ABCC10: variants seen among roughly 807,000 people sequenced by gnomAD.
ABCC10 encodes the protein ATP binding cassette subfamily C member 10, also known as ATP-binding cassette sub-family C member 10.
A neutral mutation model predicts 143.2 loss-of-function variants in ABCC10; 110 were observed. The ratio of observed to expected loss-of-function variants is 0.77; its 90% CI spans 0.66 to 0.90. The LOEUF (loss-of-function observed/expected upper bound fraction) is 0.90, where lower values mean the gene tolerates loss of function less well. ABCC10 is among the 40% of genes least tolerant of loss of function. The pLI is 0.00. For synonymous variants in ABCC10, 805 were observed against 846.7 expected, an observed-to-expected ratio of 0.95 and a Z score of 0.85; for missense variants, 1,700 against 1,900.5, an observed-to-expected ratio of 0.89 and a Z score of 1.96.
In ABCC10 at chr6:43,445,165, T is replaced by TCCTCAGACATCCGTTTCTACC; in HGVS notation, c.2882_2902dup (p.Tyr967_Leu968insProSerAspIleArgPheTyr). ...ACTGCCCAAAGCTGCCCCCAATGGC[T>TCCTCAGACATCCGTTTCTACC]CCTCAGACATCCGTTTCTACCTCAC... On this transcript the variant is annotated inframe_insertion, in exon 14 of 22. Coordinates refer to ENST00000372530, the MANE Select transcript of ABCC10 (RefSeq NM_001198934.2). 6.2e-7 allele frequency: 1 copy of TCCTCAGACATCCGTTTCTACC among 1,613,976 alleles called. No homozygotes were observed. The highest frequency in any genetic ancestry group is 8.5e-7 in the Non-Finnish European group (1 of 1,179,938).
chr6:43,445,377 AATACTCGGG>A, intron 14 of ABCC10, 63 bp downstream of exon 14: 1 of 1,532,964 alleles, frequency 6.5e-7, no homozygotes, highest in Non-Finnish European at 8.9e-7. Flanking sequence ...GTGTCCTCCC[AATACTCGGG>A]CTCCACTGGG....
intron 1 of ABCC10, 93 bp from the exon 2 acceptor site, chr6:43,427,875 A>T: frequency 6.9e-7 from 1 of 1,446,134 alleles, no homozygotes; most frequent in Non-Finnish European, 9.7e-7. Flanking sequence ...TCCCGGTTCC[A>T]GGGCGGGGCT....
At chr6:43,441,835 G>T in intron 8 of ABCC10, 27 bp from the exon 9 acceptor site, 2 of 1,598,086 alleles carry the variant, frequency 1.3e-6, no homozygotes, top group African/African-American at 1.3e-5. Flanking sequence ...GGAGCTCCCT[G>T]ACCCACTGGG....
Position 43,432,781 on chromosome 6 carries a change from G to T in ABCC10, c.801G>T (p.Trp267Cys). 6.2e-7 allele frequency: 1 copy of T among 1,614,182 alleles called. No individual in the cohort carries two copies. Among genetic ancestry groups the T allele is most frequent in the South Asian group, 1.1e-5 (1 of 91,092 alleles). The change falls in exon 3 of 22, where the codon TGG (tryptophan) becomes TGT (cysteine). Residue 267 changes from tryptophan to cysteine, a missense_variant. Coordinates refer to ENST00000372530, the MANE Select transcript of ABCC10 (RefSeq NM_001198934.2). The stretch of plus-strand genomic sequence containing the variant: ...TGGCTCGTGTCTTCCAGGCACACTG[G>T]CAGGAGGGGGCACGGCTGTGGAGGG... Reference protein sequence around the residue: ...TYLARVFQAHWQEGARLWRAL... With the variant: ...TYLARVFQAHCQEGARLWRAL...
rs532699194 is a variant in ABCC10 at position 43,445,892 on chromosome 6, C to G, written c.3324C>G (p.Ala1108=). The part of the protein sequence containing the change: ...LTLSPLYSHL[A]DTLAGLSVLR... ...TGTCTCCACTGTATAGCCATCTGGC[C>G]GATACCTTGGCTGGCCTCTCTGTGC... Residue 1108 remains alanine, a synonymous_variant, in exon 15 of 22, where the codon GCC becomes GCG. Coordinates refer to ENST00000372530, the MANE Select transcript of ABCC10 (RefSeq NM_001198934.2). The G allele has an allele frequency of 1.2e-4, 200 of 1,613,760 alleles. 1 individual carries two copies. The highest frequency in any genetic ancestry group is 1.1e-3 in the Admixed American group (66 of 60,020).
chr6:43,446,311 A>C lies in ABCC10; in HGVS notation c.3409A>C (p.Asn1137His). ...GGAGAACCTGCGACTCCTTGAGCTA[A>C]ACCAGAGGTGCCAGTTTGCCACCAG... ...EEENLRLLEL[N>H]QRCQFATSAT... The change falls in exon 16 of 22, where the codon AAC becomes CAC. Residue 1137 changes from asparagine to histidine, a missense_variant. Asn to His is a moderately conservative substitution (Grantham distance 68). Coordinates refer to ENST00000372530, the MANE Select transcript of ABCC10 (RefSeq NM_001198934.2). 6.2e-7 allele frequency: 1 copy of C among 1,613,942 alleles called. No individual in the cohort carries two copies. The highest frequency in any genetic ancestry group is 8.5e-7 in the Non-Finnish European group (1 of 1,179,936).
chr6:43,440,553 A>C (rs1782285935), intron 8 of ABCC10, among the ~76,000 whole-genome samples: 1 of 151,980 alleles, frequency 6.6e-6, no homozygotes, highest in Non-Finnish European at 1.5e-5. Flanking sequence ...GCTTGAGGTC[A>C]GGAGTTCAAG....
rs143478114 is a variant in ABCC10, at chr6:43,442,042, G to T, written c.2226+82G>T. 4.8e-6 allele frequency: 6 copies of T among 1,243,448 alleles called. No individual in the cohort carries two copies. In the African/African-American group the frequency reaches 5.9e-5, roughly 12 times the overall value. The allele number at this position is 1,243,448 out of a possible 1,614,324, so 77.0% of individuals were successfully genotyped here. A position where few individuals can be genotyped will look rare whatever the true frequency, so the allele number is the denominator to read the frequency against. ...GGAACTTGGCTGAGTTAGGAGGATA[G>T]GAATATTTTCCTTAGCATCTGGTTC... is the stretch of plus-strand genomic sequence containing the variant. On this transcript the variant is annotated intron_variant, in intron 9 of 21. Transcript: ENST00000372530.
Position 43,434,757 on chromosome 6 carries a change from G to T in ABCC10, c.1517G>T (p.Cys506Phe). The T allele has an allele frequency of 6.2e-7, 1 of 1,614,208 alleles. No homozygotes were observed. Among genetic ancestry groups the T allele is most frequent in the Non-Finnish European group, 8.5e-7 (1 of 1,180,036 alleles). The change falls in exon 4 of 22, where the codon TGT becomes TTT. Residue 506 changes from cysteine to phenylalanine, a missense_variant. Cys to Phe is a radical substitution (Grantham distance 205). Coordinates refer to ENST00000372530, the MANE Select transcript of ABCC10 (RefSeq NM_001198934.2). ...GTCATCAAATACCTGGATGCGGCCTGTGTATACCTGTGGGCTGCCCTACCG... is the reference window on the plus strand; with the variant it reads ...GTCATCAAATACCTGGATGCGGCCTTTGTATACCTGTGGGCTGCCCTACCG... Reference protein sequence around the residue: ...LRVIKYLDAACVYLWAALPVV... With the variant: ...LRVIKYLDAAFVYLWAALPVV...
Position 43,438,670 on chromosome 6 carries a change from C to T in ABCC10, c.2002C>T (p.Leu668=). The change falls in exon 8 of 22, where the codon CTG becomes TTG. Residue 668 remains leucine, a synonymous_variant. Coordinates refer to ENST00000372530, the MANE Select transcript of ABCC10 (RefSeq NM_001198934.2). ...AVRGLSKGFG[L]ATQEPWIQFA... ...GCGGGGGCTGTCCAAGGGCTTTGGC[C>T]TGGCCACCCAGGAACCCTGGATCCA... is the stretch of plus-strand genomic sequence containing the variant. 1 of 1,614,216 alleles carries T rather than the reference C, an allele frequency of 6.2e-7. No individual in the cohort carries two copies. Among genetic ancestry groups the T allele is most frequent in the Non-Finnish European group, 8.5e-7 (1 of 1,180,044 alleles).
Position 43,427,901 on chromosome 6 carries a change from C to T in ABCC10, c.-11-67C>T, listed in dbSNP as rs555237268. 5.7e-6 allele frequency: 9 copies of T among 1,573,298 alleles called. No individual in the cohort carries two copies. The South Asian group carries it at 7.8e-5, about 14-fold the overall frequency. ...GGGCGGGGCTGGAGACAGGGAGACC[C>T]GGCTGGGAAGTGCAGGCAAAGCCGG... On this transcript the variant is annotated intron_variant, in intron 1 of 21. Transcript: ENST00000372530.
At chr6:43,429,370 T>G (rs1024785541) in intron 2 of ABCC10, among the ~76,000 whole-genome samples, 2 of 32,102 alleles carry the variant, frequency 6.2e-5, no homozygotes, top group East Asian at 1.5e-3. Flanking sequence ...TTCTTTTCTT[T>G]CTTGTGTGTG....
chr6:43,441,487 G>A (rs1329420489), intron 8 of ABCC10, among the ~76,000 whole-genome samples: 2 of 150,860 alleles, frequency 1.3e-5, no homozygotes, highest in East Asian at 1.9e-4. Context: ...AAAAAAAAAA[G>A]GGTAGTAAAT....
chr6:43,433,053 C>T lies in ABCC10; in HGVS notation c.1073C>T (p.Ala358Val). 1 of 1,614,166 alleles carries T rather than the reference C, an allele frequency of 6.2e-7. No individual in the cohort carries two copies. The highest frequency in any genetic ancestry group is 8.5e-7 in the Non-Finnish European group (1 of 1,180,030). The change falls in exon 3 of 22, where the codon GCT becomes GTT. Residue 358 changes from alanine (A) to valine (V), a missense_variant. Transcript: ENST00000372530. ...AAGGTAACACTTCAGGCACGGGGGG[C>T]TGTGCTGAACATCCTGTACTGCAAG... ...VYKVTLQARG[A>V]VLNILYCKAL...
At chr6:43,436,071 A>G (rs749241335) in intron 5 of ABCC10, 67 bp from the exon 6 acceptor site, 9 of 1,610,082 alleles carry the variant, frequency 5.6e-6, no homozygotes, top group East Asian at 2.2e-5. Context: ...AGTGAATTAC[A>G]TGATTTACCC....
chr6:43,446,366 T>C lies in ABCC10; in HGVS notation c.3464T>C (p.Leu1155Pro). 1 of 1,613,708 alleles carries C rather than the reference T, an allele frequency of 6.2e-7. No individual in the cohort carries two copies. Among genetic ancestry groups the C allele is most frequent in the Non-Finnish European group, 8.5e-7 (1 of 1,179,914 alleles). Reference protein sequence around the residue: ...SATMQWLDIRLQLMGAAVVSA... With the variant: ...SATMQWLDIRPQLMGAAVVSA... ...ACAATGCAGTGGCTGGACATTCGGCTACAGCTCATGGGGGCGGCAGTGGTC... is the reference window on the plus strand; with the variant it reads ...ACAATGCAGTGGCTGGACATTCGGCCACAGCTCATGGGGGCGGCAGTGGTC... The change falls in exon 16 of 22, where the codon CTA becomes CCA. Residue 1155 changes from leucine (L) to proline (P), a missense_variant. Leu to Pro is a moderately conservative substitution (Grantham distance 98). Coordinates refer to ENST00000372530, the MANE Select transcript of ABCC10 (RefSeq NM_001198934.2).
rs1266446473 is a variant in ABCC10, at chr6:43,449,103, G to A, written c.4106-4G>A. On this transcript the variant is annotated splice_polypyrimidine_tract_variant and splice_region_variant and intron_variant, in intron 19 of 21. Transcript: ENST00000372530. Reference sequence around the variant, plus strand: ...GCCCTGCAACGAAGATGCTTTCCTTGCAGGTGGTCTGGATGGTGAGCTGGG... The same window carrying A: ...GCCCTGCAACGAAGATGCTTTCCTTACAGGTGGTCTGGATGGTGAGCTGGG... 1 of 1,614,166 alleles carries A rather than the reference G, an allele frequency of 6.2e-7. No individual in the cohort carries two copies. The highest frequency in any genetic ancestry group is 1.7e-5 in the Admixed American group (1 of 60,022).
At chr6:43,439,980 A>G (rs866336696) in intron 8 of ABCC10, among the ~76,000 whole-genome samples, 1 of 151,088 alleles carries the variant, frequency 6.6e-6, no homozygotes, top group Non-Finnish European at 1.5e-5. Flanking sequence ...TGTGTGAGAC[A>G]GAGTCTTGCT....
intron 8 of ABCC10, 21 bp from the exon 9 acceptor site, chr6:43,441,841 C>T: frequency 6.2e-7 from 1 of 1,606,892 alleles, no homozygotes; most frequent in Non-Finnish European, 8.5e-7. Flanking sequence ...CCCTGACCCA[C>T]TGGGGCACCT....
Sources: gnomAD v4.1 joint callset for allele counts (sites outside exome capture counted in the v4.1 genomes callset) on GRCh38, gnomAD v4.1.1 for gene constraint, MANE v1.5 for transcripts, NCBI Gene and HGNC (gene_info 2026-07-23, HGNC 2026-07-21) for gene names.